The following LCLAT1 variants were observed in gnomAD, a reference collection of about 807,000 sequenced individuals.
LCLAT1 encodes 1-AGP acyltransferase 8.
Under a neutral mutation model 30.7 loss-of-function variants are expected in LCLAT1, and 11 were observed. The ratio of observed to expected loss-of-function variants is 0.36; its 90% CI spans 0.23 to 0.59. The LOEUF (loss-of-function observed/expected upper bound fraction) is 0.59. LCLAT1 is among the 20% of genes least tolerant of loss of function. The probability of loss-of-function intolerance (pLI) is 0.77; values close to 1 mark genes in which losing one functional copy is unlikely to be tolerated. For missense variants in LCLAT1, 402 were observed against 458.6 expected (o/e 0.88, Z 1.13); for synonymous variants, 155 against 151.3 (o/e 1.02, Z -0.18).
intron 5 of LCLAT1, among the ~76,000 whole-genome samples, chr2:30,612,639 G>C (rs1667793203): frequency 6.6e-6 from 1 of 152,212 alleles, no homozygotes; most frequent in Admixed American, 6.5e-5. Context: ...GCTTGGCAAA[G>C]AATGTCTCAT....
At chr2:30,575,431 G>A (rs143540241) in intron 5 of LCLAT1, among the ~76,000 whole-genome samples, 1 of 152,068 alleles carries the variant, frequency 6.6e-6, no homozygotes, top group Non-Finnish European at 1.5e-5. Flanking sequence ...AGCATCTCTC[G>A]CATACACACA....
intron 5 of LCLAT1, among the ~76,000 whole-genome samples, chr2:30,614,144 C>A (rs111629479): frequency 0.19 from 8,179 of 42,656 alleles, 1,114 homozygotes; most frequent in Non-Finnish European, 0.25. Context: ...CTGCGGCCTT[C>A]CGCAGTTTTT....
chr2:30,512,415 A>G (rs1684982442), intron 1 of LCLAT1, among the ~76,000 whole-genome samples: 1 of 152,056 alleles, frequency 6.6e-6, no homozygotes, highest in South Asian at 2.1e-4. Flanking sequence ...TGTCTGCCTC[A>G]AGAGACCCAG....
intron 5 of LCLAT1, among the ~76,000 whole-genome samples, chr2:30,598,414 C>CTTTTTTTTTT (rs58514140): frequency 7.4e-6 from 1 of 135,948 alleles, no homozygotes; most frequent in Admixed American, 7.2e-5. Context: ...TCTAGATTTT[C>CTTTTTTTTTT]TTTTTTTTTT....
intron 5 of LCLAT1, among the ~76,000 whole-genome samples, chr2:30,571,505 T>TAA (rs1322442805): frequency 6.6e-3 from 998 of 152,334 alleles, no homozygotes; most frequent in African/African-American, 0.023. Flanking sequence ...TTTTGCTTAC[T>TAA]GCACAACTAG....
intron 2 of LCLAT1, among the ~76,000 whole-genome samples, chr2:30,527,589 A>T (rs1572574785): frequency 1.3e-5 from 2 of 152,128 alleles, no homozygotes; most frequent in East Asian, 3.9e-4. Flanking sequence ...TTGCAGACAG[A>T]TATTTGGTTT....
At chr2:30,585,458 G>A (rs551241761) in intron 5 of LCLAT1, among the ~76,000 whole-genome samples, 24 of 152,184 alleles carry the variant, frequency 1.6e-4, no homozygotes, top group African/African-American at 5.8e-4. Flanking sequence ...CACATTCTTA[G>A]GTAAGTTCAC....
At chr2:30,484,705 C>G (rs1683478992) in intron 1 of LCLAT1, among the ~76,000 whole-genome samples, 1 of 152,018 alleles carries the variant, frequency 6.6e-6, no homozygotes, top group Admixed American at 6.6e-5. Flanking sequence ...ATGACTAGAA[C>G]TATTATGATC....
At chr2:30,594,913 AC>A (rs1666862249) in intron 5 of LCLAT1, among the ~76,000 whole-genome samples, 26 of 152,220 alleles carry the variant, frequency 1.7e-4, no homozygotes, top group Admixed American at 1.6e-3. Flanking sequence ...TTTAATATAT[AC>A]CTATATTTTC....
chr2:30,538,804 C>T (rs1252635), intron 3 of LCLAT1, among the ~76,000 whole-genome samples: 14,512 of 151,926 alleles, frequency 0.096, 733 homozygotes, highest in East Asian at 0.12. Context: ...AATTCCTGAA[C>T]ATATAAACTT....
At chr2:30,578,917 T>A (rs939105035) in intron 5 of LCLAT1, among the ~76,000 whole-genome samples, 3 of 152,192 alleles carry the variant, frequency 2.0e-5, no homozygotes, top group African/African-American at 7.2e-5. Flanking sequence ...AGTTACCAAA[T>A]AATTTACCAA....
At chr2:30,602,831 C>T (rs190902833) in intron 5 of LCLAT1, among the ~76,000 whole-genome samples, 4 of 152,244 alleles carry the variant, frequency 2.6e-5, no homozygotes, top group Non-Finnish European at 5.9e-5. Context: ...TCAGCCCTGG[C>T]TTCCCATCCC....
At chr2:30,605,900 A>G in intron 5 of LCLAT1, 3 of 533,670 alleles carry the variant, frequency 5.6e-6, no homozygotes, top group Non-Finnish European at 8.1e-6. Flanking sequence ...ATCATCAGGC[A>G]TTAGTTAGAT....
At chr2:30,539,987 T>G (rs1297522880) in intron 3 of LCLAT1, among the ~76,000 whole-genome samples, 1 of 152,188 alleles carries the variant, frequency 6.6e-6, no homozygotes, top group African/African-American at 2.4e-5. Flanking sequence ...AATATTTAAT[T>G]TTAAATAAAA....
chr2:30,495,600 C>G (rs539773336), intron 1 of LCLAT1, among the ~76,000 whole-genome samples: 51 of 152,054 alleles, frequency 3.4e-4, no homozygotes, highest in African/African-American at 1.2e-3. Flanking sequence ...TTCCAAAATG[C>G]TCTTAGAGGG....
chr2:30,472,228 A>C (rs538048325), intron 1 of LCLAT1, among the ~76,000 whole-genome samples: 2 of 152,322 alleles, frequency 1.3e-5, no homozygotes, highest in African/African-American at 4.8e-5. Context: ...ATGGAAAAGG[A>C]GTTAAAAGGA....
chr2:30,553,291 C>T (rs979375972), intron 3 of LCLAT1, among the ~76,000 whole-genome samples: 2 of 152,128 alleles, frequency 1.3e-5, no homozygotes, highest in African/African-American at 4.8e-5. Context: ...TAAGTCAAAA[C>T]TAGGTTCTAA....
intron 1 of LCLAT1, among the ~76,000 whole-genome samples, chr2:30,521,529 G>T (rs1685477032): frequency 3.9e-5 from 3 of 76,254 alleles, no homozygotes; most frequent in East Asian, 3.9e-4. Flanking sequence ...TTTTTTTTGA[G>T]AGGGAGTCTC....
intron 1 of LCLAT1, among the ~76,000 whole-genome samples, chr2:30,480,363 A>G (rs1417364455): frequency 2.0e-5 from 3 of 151,746 alleles, no homozygotes; most frequent in Admixed American, 1.3e-4. Context: ...GCTAATTTTT[A>G]TATTTTTTCT....
Sources: allele counts gnomAD v4.1 joint callset (sites outside exome capture counted in the v4.1 genomes callset), GRCh38; gene constraint gnomAD v4.1.1; transcripts MANE v1.5; gene names NCBI Gene and HGNC (gene_info 2026-07-23, HGNC 2026-07-21).